The following CDH12 variants were observed in gnomAD, a reference collection of about 807,000 sequenced individuals.
CDH12 encodes cadherin 12.
Under a neutral mutation model 74.1 loss-of-function variants are expected in CDH12, and 41 were observed. That is an observed-to-expected ratio of 0.55 (90% CI 0.43 to 0.72). The LOEUF (loss-of-function observed/expected upper bound fraction) is 0.72. CDH12 is among the 30% of genes least tolerant of loss of function. The pLI is 0.00. For synonymous variants in CDH12, 399 were observed against 355.0 expected (o/e 1.12, Z -1.39); for missense variants, 945 against 977.2 (o/e 0.97, Z 0.44).
chr5:22,703,825 T>C (rs957002495), intron 1 of CDH12, among the ~76,000 whole-genome samples: 1 of 152,176 alleles, frequency 6.6e-6, no homozygotes, highest in Admixed American at 6.6e-5. Flanking sequence ...AGCTGGTTTT[T>C]CATCCTAAAT....
chr5:21,905,656 G>A (rs562322557), intron 6 of CDH12, among the ~76,000 whole-genome samples: 1 of 152,144 alleles, frequency 6.6e-6, no homozygotes, highest in South Asian at 2.1e-4. Flanking sequence ...TTGTTTTCCT[G>A]GACTAGAAAG....
chr5:22,330,589 A>G (rs1335333145), intron 3 of CDH12, among the ~76,000 whole-genome samples: 1 of 151,926 alleles, frequency 6.6e-6, no homozygotes, highest in Non-Finnish European at 1.5e-5. Flanking sequence ...TGTCTCTAAT[A>G]AAAATACAAA....
chr5:21,798,965 G>A (rs1746960042), intron 10 of CDH12, among the ~76,000 whole-genome samples: 1 of 152,112 alleles, frequency 6.6e-6, no homozygotes, highest in Non-Finnish European at 1.5e-5. Context: ...GGCTGGAAGA[G>A]TTTTGAAGTG....
chr5:21,941,182 T>C (rs1375149051), intron 6 of CDH12, among the ~76,000 whole-genome samples: 1 of 152,132 alleles, frequency 6.6e-6, no homozygotes, highest in Non-Finnish European at 1.5e-5. Context: ...AGACTATCTA[T>C]AGGTAAAAAT....
At chr5:22,253,191 T>C (rs1273378800) in intron 3 of CDH12, among the ~76,000 whole-genome samples, 1 of 150,748 alleles carries the variant, frequency 6.6e-6, no homozygotes, top group Non-Finnish European at 1.5e-5. Flanking sequence ...TTCATTTTTG[T>C]ATTTATAAAG....
Position 22,404,633 on chromosome 5 carries a change from T to A in CDH12, c.-333+624A>T, listed in dbSNP as rs139624258. 7.4e-3 allele frequency among the ~76,000 whole-genome samples: 1,120 copies of A among 152,286 alleles called. 13 individuals are homozygous for A. Among genetic ancestry groups the A allele is most frequent in the African/African-American group, 0.026 (1,070 of 41,566 alleles). ...GAATCTCATGCATCAAGGTAATGAC[T>A]AGACCTTTAACATGATATATTGTAA... On this transcript the variant is annotated intron_variant, in intron 3 of 14. Transcript: ENST00000382254.
At chr5:22,328,787 C>G (rs1439079647) in intron 3 of CDH12, among the ~76,000 whole-genome samples, 1 of 152,082 alleles carries the variant, frequency 6.6e-6, no homozygotes, top group Non-Finnish European at 1.5e-5. Context: ...AACAAAGAAG[C>G]TGTTGAAGTA....
intron 3 of CDH12, among the ~76,000 whole-genome samples, chr5:22,335,675 G>T (rs1167478960): frequency 6.6e-6 from 1 of 152,008 alleles, no homozygotes; most frequent in Non-Finnish European, 1.5e-5. Flanking sequence ...AACGTGACTT[G>T]CTCCTTCTTG....
intron 3 of CDH12, among the ~76,000 whole-genome samples, chr5:22,366,404 T>C (rs1021170588): frequency 6.6e-6 from 1 of 152,172 alleles, no homozygotes; most frequent in African/African-American, 2.4e-5. Context: ...ATAAACAGAC[T>C]GATAGGCAGA....
At chr5:22,378,283 C>T (rs532354216) in intron 3 of CDH12, among the ~76,000 whole-genome samples, 21 of 152,080 alleles carry the variant, frequency 1.4e-4, no homozygotes, top group African/African-American at 3.4e-4. Flanking sequence ...TCTTAAAACT[C>T]ATATTTTTCT....
chr5:22,309,413 A>G (rs1738282317), intron 3 of CDH12, among the ~76,000 whole-genome samples: 1 of 152,158 alleles, frequency 6.6e-6, no homozygotes. Context: ...ATATTGACTA[A>G]AGTAAAAAAT....
intron 3 of CDH12, among the ~76,000 whole-genome samples, chr5:22,250,397 G>A (rs1753096460): frequency 6.6e-6 from 1 of 152,104 alleles, no homozygotes; most frequent in South Asian, 2.1e-4. Context: ...ATTCTGGCTG[G>A]CGGCTGGGAC....
intron 1 of CDH12, among the ~76,000 whole-genome samples, chr5:22,820,150 G>C (rs1391044425): frequency 6.6e-6 from 1 of 151,212 alleles, no homozygotes; most frequent in Non-Finnish European, 1.5e-5. Context: ...ATGCTTCACA[G>C]TAAGACCAAA....
intron 6 of CDH12, among the ~76,000 whole-genome samples, chr5:21,881,212 A>G (rs1752338836): frequency 6.6e-6 from 1 of 152,218 alleles, no homozygotes; most frequent in Admixed American, 6.5e-5. Flanking sequence ...CTCAGAAAAT[A>G]CTTCTCATTT....
intron 6 of CDH12, among the ~76,000 whole-genome samples, chr5:21,967,505 C>T (rs555304449): frequency 2.6e-5 from 4 of 151,962 alleles, no homozygotes; most frequent in South Asian, 4.2e-4. Flanking sequence ...ACTCTGTGGC[C>T]GAGAAGCAAC....
At chr5:22,666,707 C>T (rs932959565) in intron 1 of CDH12, among the ~76,000 whole-genome samples, 1 of 152,130 alleles carries the variant, frequency 6.6e-6, no homozygotes, top group Non-Finnish European at 1.5e-5. Context: ...TCAATGTATT[C>T]AACAAACGCC....
At chr5:22,074,835 A>G (rs1400696354) in intron 5 of CDH12, among the ~76,000 whole-genome samples, 1 of 152,076 alleles carries the variant, frequency 6.6e-6, no homozygotes, top group Non-Finnish European at 1.5e-5. Flanking sequence ...GATGTGGAGA[A>G]ATAGGAACAC....
chr5:22,279,692 C>T (rs972783273), intron 3 of CDH12, among the ~76,000 whole-genome samples: 7 of 152,124 alleles, frequency 4.6e-5, no homozygotes, highest in Admixed American at 2.0e-4. Flanking sequence ...CATGTCCCTA[C>T]GAAGGACATG....
At chr5:22,313,026 C>A (rs1489815378) in intron 3 of CDH12, among the ~76,000 whole-genome samples, 5 of 152,086 alleles carry the variant, frequency 3.3e-5, no homozygotes, top group Admixed American at 3.3e-4. Context: ...GTGAAGTGCA[C>A]GTTATCAGCA....
Sources: allele counts gnomAD v4.1 joint callset (sites outside exome capture counted in the v4.1 genomes callset), GRCh38; gene constraint gnomAD v4.1.1; transcripts MANE v1.5; gene names NCBI Gene and HGNC (gene_info 2026-07-23, HGNC 2026-07-21).